The following TBC1D19 variants were observed in gnomAD, a reference collection of about 807,000 sequenced individuals.
TBC1D19 encodes TBC1 domain family member 19.
A neutral mutation model predicts 89.0 loss-of-function variants in TBC1D19; 60 were observed. The ratio of observed to expected loss-of-function variants is 0.67; its 90% CI spans 0.55 to 0.84. The LOEUF (loss-of-function observed/expected upper bound fraction) is 0.84. TBC1D19 is among the 40% of genes least tolerant of loss of function. The probability of loss-of-function intolerance (pLI) is 0.00; values close to 1 mark genes in which losing one functional copy is unlikely to be tolerated. For synonymous variants in TBC1D19, 189 were observed against 199.7 expected (o/e 0.95, Z 0.45); for missense variants, 500 against 610.8 (o/e 0.82, Z 1.91).
intron 15 of TBC1D19, 84 bp from the exon 16 acceptor site, chr4:26,735,371 T>G: frequency 8.6e-7 from 1 of 1,158,274 alleles, no homozygotes; most frequent in Non-Finnish European, 1.2e-6. Context: ...AAAACCTTTT[T>G]ATTGTCAGTT....
the TBC1D19 span, among the ~76,000 whole-genome samples, chr4:26,840,685 A>C: frequency 6.6e-5 from 10 of 152,296 alleles, no homozygotes; most frequent in East Asian, 1.5e-3. Flanking sequence ...CAGTCAGTGC[A>C]GTTGCCCTGA....
At chr4:26,855,355 C>T in the TBC1D19 span, among the ~76,000 whole-genome samples, 1 of 152,286 alleles carries the variant, frequency 6.6e-6, no homozygotes, top group East Asian at 1.9e-4. Context: ...CACAATTCAA[C>T]TCAAAACGAG....
chr4:26,770,522 G>C, the TBC1D19 span, among the ~76,000 whole-genome samples: 2 of 151,922 alleles, frequency 1.3e-5, no homozygotes, highest in African/African-American at 4.8e-5. Context: ...ATTTCTTCTA[G>C]ATTTTTCTAC....
the TBC1D19 span, among the ~76,000 whole-genome samples, chr4:26,835,974 GCTCTCTCT>G: frequency 2.4e-4 from 34 of 143,554 alleles, no homozygotes; most frequent in South Asian, 2.5e-3. Context: ...CATGTGAAGT[GCTCTCTCT>G]CTCTCTCTCT....
the TBC1D19 span, among the ~76,000 whole-genome samples, chr4:26,823,287 CG>C: frequency 7.8e-4 from 119 of 152,220 alleles, no homozygotes; most frequent in African/African-American, 2.8e-3. Context: ...TACCTCCCAC[CG>C]GGTCCCTCCC....
chr4:26,704,308 A>C (rs557530827), intron 13 of TBC1D19, among the ~76,000 whole-genome samples: 1 of 150,408 alleles, frequency 6.6e-6, no homozygotes, highest in African/African-American at 2.5e-5. Context: ...AATTTTCACA[A>C]ACTACGTAAG....
At chr4:26,730,362 T>C (rs965035737) in intron 15 of TBC1D19, among the ~76,000 whole-genome samples, 7 of 152,136 alleles carry the variant, frequency 4.6e-5, no homozygotes, top group Non-Finnish European at 1.5e-5. Context: ...GGAATACAAT[T>C]CTTAAGTACT....
intron 11 of TBC1D19, among the ~76,000 whole-genome samples, chr4:26,679,816 C>T (rs538069971): frequency 6.6e-6 from 1 of 152,314 alleles, no homozygotes; most frequent in South Asian, 2.1e-4. Context: ...TGAGTTGAAA[C>T]TTTGGAGGAC....
At chr4:26,668,951 T>C (rs1319445235) in intron 9 of TBC1D19, among the ~76,000 whole-genome samples, 2 of 150,318 alleles carry the variant, frequency 1.3e-5, no homozygotes, top group African/African-American at 4.9e-5. Context: ...TTCTACAAAC[T>C]CTCATGAACA....
intron 13 of TBC1D19, among the ~76,000 whole-genome samples, chr4:26,698,739 C>T (rs1471945427): frequency 1.3e-5 from 2 of 152,082 alleles, no homozygotes; most frequent in South Asian, 2.1e-4. Context: ...CTTTGACCAA[C>T]CTGACAAAAA....
chr4:26,803,428 C>T, the TBC1D19 span, among the ~76,000 whole-genome samples: 2 of 152,112 alleles, frequency 1.3e-5, no homozygotes, highest in Non-Finnish European at 2.9e-5. Context: ...GGAACCATTC[C>T]CAGATAAATA....
chr4:26,764,279 C>G, the TBC1D19 span, among the ~76,000 whole-genome samples: 1 of 152,024 alleles, frequency 6.6e-6, no homozygotes, highest in Non-Finnish European at 1.5e-5. Flanking sequence ...TAAAGCCAAC[C>G]TCCTTCTCTC....
intron 8 of TBC1D19, among the ~76,000 whole-genome samples, chr4:26,663,782 C>G (rs994844583): frequency 2.0e-5 from 3 of 152,194 alleles, no homozygotes; most frequent in African/African-American, 7.2e-5. Context: ...CTTGGTTTAT[C>G]TGTGACCCTG....
intron 3 of TBC1D19, among the ~76,000 whole-genome samples, chr4:26,617,586 T>C (rs1000111186): frequency 2.0e-5 from 3 of 152,246 alleles, no homozygotes; most frequent in African/African-American, 4.8e-5. Context: ...CAAATAGTTA[T>C]TGAGCCACCT....
chr4:26,634,653 C>T (rs529881061), intron 4 of TBC1D19, among the ~76,000 whole-genome samples: 15 of 152,160 alleles, frequency 9.9e-5, no homozygotes, highest in Admixed American at 4.6e-4. Context: ...AGTATATATA[C>T]GTTTTTAATA....
At chr4:26,834,966 T>C in the TBC1D19 span, among the ~76,000 whole-genome samples, 1 of 152,146 alleles carries the variant, frequency 6.6e-6, no homozygotes, top group South Asian at 2.1e-4. Flanking sequence ...ACTGAACTGA[T>C]ATTTGAGCCC....
chr4:26,618,983 G>T (rs891266870), intron 3 of TBC1D19, among the ~76,000 whole-genome samples: 1 of 152,042 alleles, frequency 6.6e-6, no homozygotes, highest in Admixed American at 6.6e-5. Context: ...GCTCCATGAG[G>T]GCAGGTATTT....
At chr4:26,818,887 C>A in the TBC1D19 span, among the ~76,000 whole-genome samples, 2 of 152,296 alleles carry the variant, frequency 1.3e-5, no homozygotes, top group African/African-American at 4.8e-5. Flanking sequence ...AAGGACATAA[C>A]CACTGTATAA....
chr4:26,783,413 A>T, the TBC1D19 span, among the ~76,000 whole-genome samples: 1 of 152,352 alleles, frequency 6.6e-6, no homozygotes, highest in Middle Eastern at 3.4e-3. Context: ...GACTTGCCAT[A>T]TGTTAGAGAA....
Sources: gnomAD v4.1 joint callset for allele counts (sites outside exome capture counted in the v4.1 genomes callset) on GRCh38, gnomAD v4.1.1 for gene constraint, MANE v1.5 for transcripts, NCBI Gene and HGNC (gene_info 2026-07-23, HGNC 2026-07-21) for gene names.